The following AFF3 variants were observed in gnomAD, a reference collection of about 807,000 sequenced individuals.
AFF3 encodes AF4/FMR2 family member 3.
In AFF3, 32 loss-of-function variants were observed where a neutral mutation model predicts 129.7. The observed-to-expected ratio is 0.25, with a 90% CI of 0.19 to 0.33. AFF3 has a LOEUF of 0.33. AFF3 is among the 10% of genes least tolerant of loss of function. The pLI, the probability that AFF3 is intolerant of heterozygous loss-of-function variation, is 1.00. For missense variants in AFF3, 1,373 were observed against 1,592.0 expected, an observed-to-expected ratio of 0.86 and a Z score of 2.34; for synonymous variants, 644 against 635.4, an observed-to-expected ratio of 1.01 and a Z score of -0.20.
chr2:99,595,727 G>A lies in AFF3; in HGVS notation c.1372-1438C>T, dbSNP rs183897642. 1.0e-3 allele frequency among the ~76,000 whole-genome samples: 154 copies of A among 152,318 alleles called. 1 individual carries two copies. The highest frequency in any genetic ancestry group is 3.6e-3 in the African/African-American group (148 of 41,578). On this transcript the variant is annotated intron_variant, in intron 14 of 24. Transcript: ENST00000672756. Reference sequence around the variant, plus strand: ...AGGATTTCAGAAGGGGAATAAGAGGGCTGTATCATAGAAGCAGGGGCCTTG... The same window carrying A: ...AGGATTTCAGAAGGGGAATAAGAGGACTGTATCATAGAAGCAGGGGCCTTG...
intron 2 of AFF3, among the ~76,000 whole-genome samples, chr2:100,127,448 C>T (rs192827412): frequency 6.6e-6 from 1 of 152,270 alleles, no homozygotes; most frequent in East Asian, 1.9e-4. Flanking sequence ...TGCTTGGTGT[C>T]GGAGTCAGAA....
chr2:100,108,668 C>A (rs1040460274), intron 2 of AFF3, among the ~76,000 whole-genome samples: 9 of 152,054 alleles, frequency 5.9e-5, no homozygotes, highest in African/African-American at 1.9e-4. Context: ...GAAAGGGGGC[C>A]AATACCCCGG....
intron 7 of AFF3, among the ~76,000 whole-genome samples, chr2:99,953,941 C>T (rs114649603): frequency 0.021 from 3,177 of 152,256 alleles, 115 homozygotes; most frequent in African/African-American, 0.073. Flanking sequence ...CACCCATGCA[C>T]CTGAGTGAGT....
intron 13 of AFF3, among the ~76,000 whole-genome samples, chr2:99,621,007 C>T (rs1174914271): frequency 6.6e-6 from 1 of 152,180 alleles, no homozygotes; most frequent in East Asian, 1.9e-4. Flanking sequence ...AATCTCTTTT[C>T]TTTATAAATT....
At chr2:99,923,469 G>A (rs1319505849) in intron 7 of AFF3, among the ~76,000 whole-genome samples, 2 of 152,152 alleles carry the variant, frequency 1.3e-5, no homozygotes, top group South Asian at 4.1e-4. Flanking sequence ...TTCTACCCAA[G>A]TACTCTCAAG....
intron 10 of AFF3, among the ~76,000 whole-genome samples, chr2:99,732,388 T>C (rs1251760438): frequency 6.6e-6 from 1 of 151,480 alleles, no homozygotes; most frequent in African/African-American, 2.4e-5. Context: ...ATCATTCTCT[T>C]TGTTTTCTGG....
chr2:100,038,769 G>T (rs1165413240), intron 4 of AFF3, among the ~76,000 whole-genome samples: 1 of 151,380 alleles, frequency 6.6e-6, no homozygotes, highest in African/African-American at 2.4e-5. Flanking sequence ...TGTTGCCCAG[G>T]CTGGAGTGCA....
chr2:99,690,155 TTTATTATTATTATTATTATTATTA>T (rs200485697), intron 11 of AFF3, among the ~76,000 whole-genome samples: 5 of 123,016 alleles, frequency 4.1e-5, no homozygotes, highest in African/African-American at 1.5e-4. Context: ...AACCACAATC[TTTATTATTATTATTATTATTATTA>T]TTATTATTAT....
At chr2:99,960,859 A>G (rs993458528) in intron 7 of AFF3, among the ~76,000 whole-genome samples, 1 of 152,126 alleles carries the variant, frequency 6.6e-6, no homozygotes, top group African/African-American at 2.4e-5. Flanking sequence ...GCTAATCAGG[A>G]CCCAGCCTCC....
chr2:100,092,449 G>A (rs1383343550), intron 4 of AFF3, among the ~76,000 whole-genome samples: 1 of 152,066 alleles, frequency 6.6e-6, no homozygotes, highest in Non-Finnish European at 1.5e-5. Flanking sequence ...CATCTATAGT[G>A]CCTTCTAGAA....
At chr2:100,045,280 C>T (rs980450741) in intron 4 of AFF3, among the ~76,000 whole-genome samples, 2 of 152,152 alleles carry the variant, frequency 1.3e-5, no homozygotes, top group African/African-American at 2.4e-5. Flanking sequence ...AGTTACTACC[C>T]GCCAGCAACA....
chr2:99,572,295 C>CG (rs1220718739), intron 18 of AFF3, among the ~76,000 whole-genome samples: 1 of 102,398 alleles, frequency 9.8e-6, no homozygotes, highest in African/African-American at 4.3e-5. Flanking sequence ...CTCCCACCAC[C>CG]CCCCCCCCCC....
rs576422982 is a variant in AFF3 at position 99,701,828 on chromosome 2, C to A, written c.1091+25249G>T. Among the ~76,000 whole-genome samples the A allele has an allele frequency of 3.9e-5, 6 of 152,342 alleles. No homozygotes were observed. The East Asian group carries it at 1.2e-3, about 29-fold the overall frequency. ...AGCCCTGTATAGCCACCCCTCAACC[C>A]CAACCCTAACCACAGGTAACCACTG... On this transcript the variant is annotated intron_variant, in intron 11 of 24. Transcript: ENST00000672756.
rs1692476701 is a variant in AFF3 at position 100,132,827 on chromosome 2, G to A, written c.-227-3521C>T. Among the ~76,000 whole-genome samples, 3 of 151,772 alleles carry A rather than the reference G, an allele frequency of 2.0e-5. No homozygotes were observed. The East Asian group carries it at 5.8e-4, about 29-fold the overall frequency. On this transcript the variant is annotated intron_variant, in intron 1 of 24. Transcript: ENST00000672756. ...AATATTTTTTCTTGTTTTGGATTAA[G>A]TAAAATATATTATTAAAAATTTTAA...
chr2:99,849,332 A>G (rs944484313), intron 7 of AFF3, among the ~76,000 whole-genome samples: 1 of 152,176 alleles, frequency 6.6e-6, no homozygotes, highest in Non-Finnish European at 1.5e-5. Flanking sequence ...AGAAAAAGCA[A>G]ATGTCCTAGC....
At chr2:99,887,713 C>A (rs1056915853) in intron 7 of AFF3, among the ~76,000 whole-genome samples, 1 of 152,172 alleles carries the variant, frequency 6.6e-6, no homozygotes, top group South Asian at 2.1e-4. Flanking sequence ...CATTAAACTA[C>A]GCTAGTAGAT....
intron 8 of AFF3, among the ~76,000 whole-genome samples, chr2:99,799,725 A>C (rs1470453120): frequency 2.0e-5 from 3 of 152,174 alleles, no homozygotes; most frequent in African/African-American, 7.2e-5. Context: ...TCATACAGCT[A>C]TAGTGACCAA....
At chr2:99,561,592 G>A (rs562031730) in intron 20 of AFF3, among the ~76,000 whole-genome samples, 1 of 152,234 alleles carries the variant, frequency 6.6e-6, no homozygotes, top group Admixed American at 6.5e-5. Flanking sequence ...TGTCTGGGCT[G>A]GTTTCAAACT....
At chr2:99,913,556 T>C (rs1036983352) in intron 7 of AFF3, among the ~76,000 whole-genome samples, 11 of 152,198 alleles carry the variant, frequency 7.2e-5, no homozygotes, top group Admixed American at 7.2e-4. Context: ...CTCTGTCCAA[T>C]GAACGGGCCT....
Sources: allele counts gnomAD v4.1 joint callset (sites outside exome capture counted in the v4.1 genomes callset), GRCh38; gene constraint gnomAD v4.1.1; transcripts MANE v1.5; gene names NCBI Gene and HGNC (gene_info 2026-07-23, HGNC 2026-07-21).